Variants in ARHGEF28 observed in about 807,000 individuals in gnomAD.
The protein encoded by ARHGEF28 is 190 kDa guanine nucleotide exchange factor.
ARHGEF28 carries 152 observed loss-of-function variants against 206.6 expected under a neutral mutation model. The ratio of observed to expected loss-of-function variants is 0.74; its 90% CI spans 0.64 to 0.84. The LOEUF (loss-of-function observed/expected upper bound fraction) is 0.84. Ranked by LOEUF, ARHGEF28 falls within the 40% of genes least tolerant of loss-of-function variation. The pLI, the probability that ARHGEF28 is intolerant of heterozygous loss-of-function variation, is 0.00. For synonymous variants in ARHGEF28, 763 were observed against 776.4 expected, an observed-to-expected ratio of 0.98 and a Z score of 0.29; for missense variants, 2,028 against 2,073.2, an observed-to-expected ratio of 0.98 and a Z score of 0.42.
At chr5:73,861,792 G>A (rs1032560208) in intron 16 of ARHGEF28, among the ~76,000 whole-genome samples, 4 of 152,170 alleles carry the variant, frequency 2.6e-5, no homozygotes, top group Non-Finnish European at 5.9e-5. Flanking sequence ...GTAGGTCAAA[G>A]TGTGTATTTG....
intron 9 of ARHGEF28, among the ~76,000 whole-genome samples, chr5:73,799,810 C>G (rs1565005): frequency 6.6e-6 from 1 of 151,796 alleles, no homozygotes; most frequent in Non-Finnish European, 1.5e-5. Flanking sequence ...GAGACACTCC[C>G]TATAGGTGAT....
intron 4 of ARHGEF28, among the ~76,000 whole-genome samples, chr5:73,773,172 GACAAC>G (rs571988643): frequency 1.0e-3 from 157 of 151,024 alleles, no homozygotes; most frequent in African/African-American, 3.7e-3. Context: ...CCTGGAAGAT[GACAAC>G]AGAGAGCGGC....
In ARHGEF28 at chr5:73,655,356, A is replaced by T. The variant is rs373756122; in HGVS notation, c.-12+29034A>T. ...TTTAATGATTTTTGACCTGTTTAAT[A>T]TTGTGTTTTATCTTGAGAAATTATT... On this transcript the variant is annotated intron_variant, in intron 1 of 35. Coordinates refer to ENST00000513042, the MANE Select transcript of ARHGEF28 (RefSeq NM_001177693.2). Among the ~76,000 whole-genome samples, 5 of 152,274 alleles carry T rather than the reference A, an allele frequency of 3.3e-5. No individual in the cohort carries two copies. In the East Asian group the frequency reaches 7.7e-4, roughly 23 times the overall value.
intron 1 of ARHGEF28, among the ~76,000 whole-genome samples, chr5:73,679,602 T>G (rs1329603197): frequency 6.6e-6 from 1 of 151,508 alleles, no homozygotes; most frequent in African/African-American, 2.4e-5. Context: ...TACTATGGCA[T>G]GTACTATCTA....
intron 1 of ARHGEF28, among the ~76,000 whole-genome samples, chr5:73,640,402 C>A (rs1743999571): frequency 6.6e-6 from 1 of 152,130 alleles, no homozygotes; most frequent in Non-Finnish European, 1.5e-5. Flanking sequence ...CATTTAGCTA[C>A]CAGTTTGGCA....
chr5:73,777,374 C>T (rs1182649245), intron 6 of ARHGEF28, among the ~76,000 whole-genome samples: 1 of 151,892 alleles, frequency 6.6e-6, no homozygotes, highest in Admixed American at 6.6e-5. Context: ...GGCAGTGCTC[C>T]GGGGTCTATT....
chr5:73,876,815 C>T lies in ARHGEF28; in HGVS notation c.2814+3569C>T, dbSNP rs568206924. Among the ~76,000 whole-genome samples the T allele has an allele frequency of 2.9e-3, 440 of 150,100 alleles. 1 individual carries two copies. The highest frequency in any genetic ancestry group is 6.8e-3 in the Middle Eastern group (2 of 294). On this transcript the variant is annotated intron_variant, in intron 22 of 35. Transcript: ENST00000513042. ...AAGCTTTTTGATGTGCTGCTGGATTCGGTTTGCCAGTATTTTATTGAGGAT... is the reference window on the plus strand; with the variant it reads ...AAGCTTTTTGATGTGCTGCTGGATTTGGTTTGCCAGTATTTTATTGAGGAT...
chr5:73,814,435 G>A (rs994786457), intron 9 of ARHGEF28, among the ~76,000 whole-genome samples: 5 of 152,176 alleles, frequency 3.3e-5, no homozygotes, highest in Admixed American at 6.5e-5. Context: ...GTGTTAGGGT[G>A]TAGAGGAAGT....
intron 9 of ARHGEF28, among the ~76,000 whole-genome samples, chr5:73,795,850 A>G (rs931333966): frequency 7.5e-6 from 1 of 132,882 alleles, no homozygotes; most frequent in South Asian, 2.4e-4. Flanking sequence ...AGCTGAGCCT[A>G]TGTGATCTAC....
At chr5:73,683,127 G>GTT (rs760573128) in intron 1 of ARHGEF28, among the ~76,000 whole-genome samples, 1 of 151,174 alleles carries the variant, frequency 6.6e-6, no homozygotes, top group East Asian at 1.9e-4. Context: ...GGTTTTTTTT[G>GTT]TTTTTTTTCT....
intron 2 of ARHGEF28, among the ~76,000 whole-genome samples, chr5:73,718,957 G>T (rs913548068): frequency 6.6e-6 from 1 of 152,126 alleles, no homozygotes; most frequent in Non-Finnish European, 1.5e-5. Flanking sequence ...CTGGGCTGAC[G>T]CAAGAACAGC....
intron 1 of ARHGEF28, among the ~76,000 whole-genome samples, chr5:73,658,987 A>ACACACG (rs35379075): frequency 0.29 from 42,917 of 150,148 alleles, 7,326 homozygotes; most frequent in Admixed American, 0.4. Flanking sequence ...ACACACACAC[A>ACACACG]CACACACACA....
chr5:73,751,366 T>C (rs960334512), intron 3 of ARHGEF28, among the ~76,000 whole-genome samples: 3 of 152,180 alleles, frequency 2.0e-5, no homozygotes, highest in Non-Finnish European at 2.9e-5. Flanking sequence ...GCTGAGATCA[T>C]GTCACTGCAC....
intron 35 of ARHGEF28, among the ~76,000 whole-genome samples, chr5:73,925,984 A>G (rs1000120354): frequency 6.6e-5 from 10 of 152,202 alleles, no homozygotes; most frequent in South Asian, 2.1e-4. Context: ...CTGCTAGGAT[A>G]GGTGTCTGTT....
At chr5:73,867,647 C>T (rs973171941) in intron 18 of ARHGEF28, among the ~76,000 whole-genome samples, 5 of 152,146 alleles carry the variant, frequency 3.3e-5, no homozygotes, top group Non-Finnish European at 5.9e-5. Flanking sequence ...CCACAGTCTC[C>T]AAGTGGAGAT....
At chr5:73,627,421 A>G (rs1305133506) in intron 1 of ARHGEF28, 1 of 152,174 alleles carries the variant, frequency 6.6e-6, no homozygotes, top group African/African-American at 2.4e-5. Flanking sequence ...TCCTGTTTTC[A>G]CTGCAAAAAC....
chr5:73,842,835 T>C (rs570143802), intron 11 of ARHGEF28, among the ~76,000 whole-genome samples: 1 of 152,020 alleles, frequency 6.6e-6, no homozygotes, highest in South Asian at 2.1e-4. Context: ...ATACAAAAAT[T>C]AGCTGGGCAT....
chr5:73,801,453 T>TA (rs1302209694), intron 9 of ARHGEF28, among the ~76,000 whole-genome samples: 18 of 150,780 alleles, frequency 1.2e-4, no homozygotes, highest in Non-Finnish European at 1.9e-4. Context: ...TCTCAAAAAA[T>TA]AAAAAAAATA....
intron 10 of ARHGEF28, 77 bp from the exon 11 acceptor site, chr5:73,840,403 G>A (rs1757913108): frequency 1.4e-6 from 2 of 1,478,574 alleles, no homozygotes; most frequent in East Asian, 2.3e-5. Flanking sequence ...TTTTTAAATT[G>A]GGAAAATTTT....
Sources: gnomAD v4.1 joint callset for allele counts (sites outside exome capture counted in the v4.1 genomes callset) on GRCh38, gnomAD v4.1.1 for gene constraint, MANE v1.5 for transcripts, NCBI Gene and HGNC (gene_info 2026-07-23, HGNC 2026-07-21) for gene names.